PPP1R36: variants seen among roughly 807,000 people sequenced by gnomAD.
The protein encoded by PPP1R36 is chromosome 14 open reading frame 50.
In PPP1R36, 47 loss-of-function variants were observed where a neutral mutation model predicts 53.4. That is an observed-to-expected ratio of 0.88 (90% CI 0.70 to 1.12). The LOEUF (loss-of-function observed/expected upper bound fraction) is 1.12, where lower values mean the gene tolerates loss of function less well. PPP1R36 is among the 50% of genes most tolerant of loss of function. PPP1R36 has a pLI of 0.00. For synonymous variants in PPP1R36, 153 were observed against 170.5 expected (o/e 0.90, Z 0.80); for missense variants, 456 against 513.9 (o/e 0.89, Z 1.09).
At chr14:64,585,698 T>C (rs2080427291) in intron 8 of PPP1R36, among the ~76,000 whole-genome samples, 1 of 152,062 alleles carries the variant, frequency 6.6e-6, no homozygotes, top group Non-Finnish European at 1.5e-5. Context: ...TATAGTGAGC[T>C]ATGATCACAC....
chr14:64,550,709 G>A (rs2080087462), intron 1 of PPP1R36, among the ~76,000 whole-genome samples: 1 of 151,854 alleles, frequency 6.6e-6, no homozygotes, highest in African/African-American at 2.4e-5. Flanking sequence ...CAATCAAAGC[G>A]ATAAAATCCT....
At chr14:64,550,511 G>A (rs1050888959) in intron 1 of PPP1R36, among the ~76,000 whole-genome samples, 1 of 152,188 alleles carries the variant, frequency 6.6e-6, no homozygotes, top group African/African-American at 2.4e-5. Flanking sequence ...GGCTGTCCTG[G>A]GTATCAGTTT....
intron 7 of PPP1R36, among the ~76,000 whole-genome samples, chr14:64,572,548 A>G (rs915590523): frequency 1.1e-4 from 16 of 151,610 alleles, no homozygotes; most frequent in African/African-American, 3.4e-4. Context: ...TCAACACATC[A>G]GTTCTTTATG....
chr14:64,563,505 T>G (rs549459843), intron 3 of PPP1R36, among the ~76,000 whole-genome samples: 3 of 151,752 alleles, frequency 2.0e-5, no homozygotes, highest in Admixed American at 2.0e-4. Context: ...AAAAAATCAT[T>G]CCCTTGAGGT....
intron 8 of PPP1R36, among the ~76,000 whole-genome samples, chr14:64,577,109 C>T (rs947473247): frequency 3.3e-5 from 5 of 152,338 alleles, no homozygotes; most frequent in Admixed American, 2.6e-4. Flanking sequence ...TGAGGGCCCT[C>T]TTCTAGGTTG....
intron 3 of PPP1R36, among the ~76,000 whole-genome samples, chr14:64,562,912 G>T (rs931041481): frequency 6.6e-6 from 1 of 151,980 alleles, no homozygotes; most frequent in Non-Finnish European, 1.5e-5. Flanking sequence ...TGTTGCCCAG[G>T]CTGGAGTGAA....
intron 8 of PPP1R36, among the ~76,000 whole-genome samples, chr14:64,578,639 A>G (rs778493063): frequency 4.6e-4 from 70 of 152,224 alleles, no homozygotes; most frequent in Middle Eastern, 3.2e-3. Context: ...GAGAAAAGGG[A>G]ACGCTTATAC....
intron 8 of PPP1R36, 100 bp from the exon 9 acceptor site, chr14:64,586,737 G>A (rs1201037949): frequency 1.3e-6 from 1 of 743,930 alleles, no homozygotes; most frequent in African/African-American, 1.8e-5. Flanking sequence ...ATAATCTTGG[G>A]GCCAAGATAA....
intron 8 of PPP1R36, among the ~76,000 whole-genome samples, chr14:64,575,220 TCCCCCATAGGAAAATAATTATTC>T (rs528044989): frequency 1.4e-3 from 217 of 152,232 alleles, no homozygotes; most frequent in African/African-American, 5.0e-3. Flanking sequence ...ACAGTTTTTT[TCCCCCATAGGAAAATAATTATTC>T]CCCCCATAGG....
intron 8 of PPP1R36, among the ~76,000 whole-genome samples, chr14:64,583,566 G>A (rs1441239244): frequency 1.3e-5 from 2 of 152,104 alleles, no homozygotes; most frequent in East Asian, 1.9e-4. Context: ...TGTAACCCCA[G>A]CACTTCAGGA....
At chr14:64,567,540 A>G (rs1041640270) in intron 6 of PPP1R36, among the ~76,000 whole-genome samples, 1 of 152,140 alleles carries the variant, frequency 6.6e-6, no homozygotes, top group Non-Finnish European at 1.5e-5. Context: ...GTATTACGCC[A>G]CTTATTACCA....
intron 7 of PPP1R36, among the ~76,000 whole-genome samples, chr14:64,572,060 T>A (rs2080307841): frequency 6.6e-6 from 1 of 152,146 alleles, no homozygotes; most frequent in Admixed American, 6.6e-5. Context: ...ACCTTCTATT[T>A]TATATATTTT....
intron 2 of PPP1R36, among the ~76,000 whole-genome samples, chr14:64,552,498 T>C (rs372132858): frequency 2.0e-4 from 31 of 151,974 alleles, no homozygotes; most frequent in African/African-American, 6.8e-4. Context: ...CAAAAATAAA[T>C]AAATAAATAA....
chr14:64,573,449 G>A lies in PPP1R36; in HGVS notation c.534-1006G>A, dbSNP rs78623291. Among the ~76,000 whole-genome samples the A allele has an allele frequency of 2.8e-4, 43 of 152,264 alleles. 2 individuals are homozygous for A. The East Asian group carries it at 7.7e-3, about 27-fold the overall frequency. ...CAAGCTCAGTAGTGACATAGGGAAC[G>A]CAGGGGAAGCTGAGGTACGTAGCCT... On this transcript the variant is annotated intron_variant, in intron 7 of 11. Coordinates refer to ENST00000298705, the MANE Select transcript of PPP1R36 (RefSeq NM_172365.3).
At chr14:64,568,912 C>T (rs1179609937) in intron 7 of PPP1R36, among the ~76,000 whole-genome samples, 1 of 152,068 alleles carries the variant, frequency 6.6e-6, no homozygotes, top group East Asian at 1.9e-4. Context: ...GACACATTCT[C>T]AGTAGCCACA....
chr14:64,555,222 T>G (rs76440697), intron 3 of PPP1R36, among the ~76,000 whole-genome samples: 1 of 152,182 alleles, frequency 6.6e-6, no homozygotes, highest in Non-Finnish European at 1.5e-5. Context: ...TAGCATTCGG[T>G]TTTTAGTGGT....
intron 8 of PPP1R36, among the ~76,000 whole-genome samples, chr14:64,584,175 T>TTGTGCCC (rs2080413573): frequency 6.6e-6 from 1 of 152,144 alleles, no homozygotes; most frequent in Non-Finnish European, 1.5e-5. Flanking sequence ...GTGCTGGGAT[T>TTGTGCCC]ACAGGCGTGA....
At chr14:64,580,310 AT>A (rs997650696) in intron 8 of PPP1R36, among the ~76,000 whole-genome samples, 5 of 152,118 alleles carry the variant, frequency 3.3e-5, no homozygotes, top group Non-Finnish European at 5.9e-5. Flanking sequence ...CCTCAAAAAA[AT>A]TTTTTTTAAA....
chr14:64,558,383 G>T (rs545983234), intron 3 of PPP1R36, among the ~76,000 whole-genome samples: 1 of 152,250 alleles, frequency 6.6e-6, no homozygotes, highest in Non-Finnish European at 1.5e-5. Flanking sequence ...TTTGAGACCA[G>T]CCTGGGCAAC....
Sources: gnomAD v4.1 joint callset for allele counts (sites outside exome capture counted in the v4.1 genomes callset) on GRCh38, gnomAD v4.1.1 for gene constraint, MANE v1.5 for transcripts, NCBI Gene and HGNC (gene_info 2026-07-23, HGNC 2026-07-21) for gene names.